SDK1: variants seen among roughly 807,000 people sequenced by gnomAD.
The protein encoded by SDK1 is protein sidekick-1.
SDK1 carries 157 observed loss-of-function variants against 245.5 expected under a neutral mutation model. That is an observed-to-expected ratio of 0.64 (90% confidence interval 0.56 to 0.73). The LOEUF (loss-of-function observed/expected upper bound fraction) is 0.73, where lower values mean the gene tolerates loss of function less well. Ranked by LOEUF, SDK1 falls within the 30% of genes least tolerant of loss-of-function variation. The pLI, the probability that SDK1 is intolerant of heterozygous loss-of-function variation, is 0.00. For missense variants in SDK1, 3,583 were observed against 3,002.3 expected, an observed-to-expected ratio of 1.19 and a Z score of -4.52; for synonymous variants, 1,647 against 1,278.5, an observed-to-expected ratio of 1.29 and a Z score of -6.15.
intron 1 of SDK1, among the ~76,000 whole-genome samples, chr7:3,357,646 C>T (rs1335881873): frequency 6.6e-6 from 1 of 151,882 alleles, no homozygotes; most frequent in Non-Finnish European, 1.5e-5. Flanking sequence ...CACGCCCAGC[C>T]CACTCCCCTT....
intron 4 of SDK1, among the ~76,000 whole-genome samples, chr7:3,804,073 T>G (rs958542654): frequency 6.6e-6 from 1 of 152,204 alleles, no homozygotes; most frequent in African/African-American, 2.4e-5. Context: ...AATATTTTCC[T>G]CTTAATAGAG....
Position 3,938,807 on chromosome 7 carries a change from T to C in SDK1, c.848-12116T>C, listed in dbSNP as rs564314846. On this transcript the variant is annotated intron_variant, in intron 5 of 44. Coordinates refer to ENST00000404826, the MANE Select transcript of SDK1 (RefSeq NM_152744.4). ...CAATTTGTGCTCATCCTGAACTAAA[T>C]AAACAAATCCATGAGCCAACTGCAG... Among the ~76,000 whole-genome samples the C allele has an allele frequency of 2.0e-5, 3 of 152,342 alleles. No individual in the cohort carries two copies. The East Asian group carries it at 5.8e-4, about 29-fold the overall frequency.
At chr7:4,060,714 C>T (rs948426677) in intron 19 of SDK1, among the ~76,000 whole-genome samples, 3 of 152,024 alleles carry the variant, frequency 2.0e-5, no homozygotes, top group Non-Finnish European at 4.4e-5. Flanking sequence ...GAAGTCCTTG[C>T]CCATGCCTAT....
At position 4,265,915 on chromosome 7, in the gene SDK1, A is replaced by G. The variant is rs1788439840; in HGVS notation, c.*531A>G. 3.0e-6 allele frequency: 3 copies of G among 986,050 alleles called. No homozygotes were observed. Among genetic ancestry groups the G allele is most frequent in the African/African-American group, 1.7e-5 (1 of 57,394 alleles). The allele number at this position is 986,050 out of a possible 1,614,324, so 61.1% of individuals were successfully genotyped here. A position where few individuals can be genotyped will look rare whatever the true frequency, so the allele number is the denominator to read the frequency against. ...CCTGGGCTCAGTGCGTTTTGTCCCA[A>G]CTTCATCTGTTTCTGAAATGTTCTC... On this transcript the variant is annotated 3_prime_UTR_variant, in exon 45 of 45. Coordinates refer to ENST00000404826, the MANE Select transcript of SDK1 (RefSeq NM_152744.4).
chr7:4,070,832 C>T (rs1465939389), intron 20 of SDK1, among the ~76,000 whole-genome samples: 2 of 152,002 alleles, frequency 1.3e-5, no homozygotes, highest in African/African-American at 4.8e-5. Flanking sequence ...GCCTCAGCCT[C>T]CCGAGTAGTT....
At chr7:3,542,385 A>G (rs1779077929) in intron 1 of SDK1, among the ~76,000 whole-genome samples, 1 of 152,132 alleles carries the variant, frequency 6.6e-6, no homozygotes, top group African/African-American at 2.4e-5. Context: ...GATTTGGGGC[A>G]TGACCCTTTG....
At chr7:4,166,479 G>T (rs538727003) in intron 32 of SDK1, among the ~76,000 whole-genome samples, 3 of 152,258 alleles carry the variant, frequency 2.0e-5, no homozygotes, top group Non-Finnish European at 4.4e-5. Flanking sequence ...GCAGTGAAAG[G>T]CTGGAGAAGC....
chr7:3,454,411 T>C (rs1780611986), intron 1 of SDK1, among the ~76,000 whole-genome samples: 1 of 150,514 alleles, frequency 6.6e-6, no homozygotes, highest in African/African-American at 2.5e-5. Flanking sequence ...TGTGTGTGTG[T>C]GTGTGTGTGT....
rs149284178 is a variant in SDK1, at chr7:3,317,727, G to A, written c.298+15843G>A. 1.2e-4 allele frequency among the ~76,000 whole-genome samples: 19 copies of A among 152,282 alleles called. No homozygotes were observed. In the East Asian group the frequency reaches 3.7e-3, roughly 29 times the overall value. ...GGTTCATGTTTAGGATATGAGCATT[G>A]TTGACAGGCACTGTTAACAGGTGAA... On this transcript the variant is annotated intron_variant, in intron 1 of 44. Transcript: ENST00000404826.
rs144181148 is a variant in SDK1, at chr7:4,005,239, G to A, written c.2132-5727G>A. On this transcript the variant is annotated intron_variant, in intron 14 of 44. Transcript: ENST00000404826. ...TTTTTGTATTTTTAGTAGAGACAGG[G>A]TTTTACCATGTTGGCCAGGATGGTC... Among the ~76,000 whole-genome samples, 855 of 151,720 alleles carry A rather than the reference G, an allele frequency of 5.6e-3. 10 individuals carry two copies. Among genetic ancestry groups the A allele is most frequent in the African/African-American group, 0.019 (790 of 41,342 alleles).
intron 4 of SDK1, among the ~76,000 whole-genome samples, chr7:3,696,080 C>T (rs1784564736): frequency 6.6e-6 from 1 of 152,108 alleles, no homozygotes; most frequent in South Asian, 2.1e-4. Flanking sequence ...TGTTCTTATG[C>T]AATACTTGAT....
chr7:3,436,980 T>C (rs2128586846), intron 1 of SDK1, among the ~76,000 whole-genome samples: 1 of 152,222 alleles, frequency 6.6e-6, no homozygotes, highest in East Asian at 1.9e-4. Flanking sequence ...TTAGTCACAA[T>C]AAAAAAAATT....
At chr7:3,622,638 C>T (rs1237353859) in intron 2 of SDK1, among the ~76,000 whole-genome samples, 3 of 152,166 alleles carry the variant, frequency 2.0e-5, no homozygotes, top group African/African-American at 7.2e-5. Flanking sequence ...TTCTTAAGAG[C>T]CCTTGCATAT....
intron 1 of SDK1, among the ~76,000 whole-genome samples, chr7:3,493,515 A>G (rs927787073): frequency 2.6e-5 from 4 of 152,202 alleles, no homozygotes; most frequent in Admixed American, 2.6e-4. Flanking sequence ...TAATTTACAT[A>G]TATTTACTAG....
In SDK1 at chr7:3,969,445, G is replaced by T. The variant is rs373818384; in HGVS notation, c.1714+21G>T. 21 of 1,505,782 alleles carry T rather than the reference G, an allele frequency of 1.4e-5. No homozygotes were observed. In the South Asian group the frequency reaches 2.5e-4, roughly 18 times the overall value. The allele number at this position is 1,505,782 out of a possible 1,614,324, so 93.3% of individuals were successfully genotyped here. A position where few individuals can be genotyped will look rare whatever the true frequency, so the allele number is the denominator to read the frequency against. On this transcript the variant is annotated intron_variant, in intron 11 of 44. Coordinates refer to ENST00000404826, the MANE Select transcript of SDK1 (RefSeq NM_152744.4). ...GTGGAGTAAGGAGCAGCCCTCGCACGTCGGCCTTCTGTTAGCCACGGTTTA... is the reference window on the plus strand; with the variant it reads ...GTGGAGTAAGGAGCAGCCCTCGCACTTCGGCCTTCTGTTAGCCACGGTTTA...
At chr7:3,656,775 C>CT (rs1783199216) in intron 4 of SDK1, among the ~76,000 whole-genome samples, 1 of 145,818 alleles carries the variant, frequency 6.9e-6, no homozygotes, top group African/African-American at 2.5e-5. Flanking sequence ...GAGTCTCGCT[C>CT]TGTCGCCCAG....
At chr7:3,695,784 G>C (rs181848897) in intron 4 of SDK1, among the ~76,000 whole-genome samples, 2 of 152,276 alleles carry the variant, frequency 1.3e-5, no homozygotes, top group African/African-American at 4.8e-5. Flanking sequence ...GAAGGCAACC[G>C]CTAGACGTAG....
At chr7:3,960,665 G>A (rs1202232468) in intron 8 of SDK1, among the ~76,000 whole-genome samples, 1 of 152,094 alleles carries the variant, frequency 6.6e-6, no homozygotes, top group East Asian at 1.9e-4. Flanking sequence ...CTCAGCTCCT[G>A]ACCAGCTCAC....
At chr7:4,221,802 C>A (rs953901165) in intron 40 of SDK1, among the ~76,000 whole-genome samples, 15 of 152,160 alleles carry the variant, frequency 9.9e-5, no homozygotes, top group African/African-American at 3.4e-4. Flanking sequence ...ACCGACACAT[C>A]GTTTGCTTCA....
Sources: gnomAD v4.1 joint callset for allele counts (sites outside exome capture counted in the v4.1 genomes callset) on GRCh38, gnomAD v4.1.1 for gene constraint, MANE v1.5 for transcripts, NCBI Gene and HGNC (gene_info 2026-07-23, HGNC 2026-07-21) for gene names.